Variants in LRRC4C observed in about 807,000 individuals in gnomAD.
The protein encoded by LRRC4C is leucine-rich repeat-containing protein 4C.
In LRRC4C, 5 loss-of-function variants were observed where a neutral mutation model predicts 33.6. The observed-to-expected ratio is 0.15, with a 90% confidence interval of 0.08 to 0.31. The LOEUF (loss-of-function observed/expected upper bound fraction) is 0.31. Ranked by LOEUF, LRRC4C falls within the 10% of genes least tolerant of loss-of-function variation. LRRC4C has a pLI of 1.00. For synonymous variants in LRRC4C, 329 were observed against 302.0 expected (o/e 1.09, Z -0.93); for missense variants, 560 against 796.7 (o/e 0.70, Z 3.58).
At chr11:41,048,915 T>C (rs1224776849) in intron 1 of LRRC4C, among the ~76,000 whole-genome samples, 1 of 152,174 alleles carries the variant, frequency 6.6e-6, no homozygotes, top group African/African-American at 2.4e-5. Context: ...CTTGACTTCC[T>C]GGATCGTAAA....
intron 1 of LRRC4C, among the ~76,000 whole-genome samples, chr11:41,325,854 C>T (rs757564271): frequency 1.1e-4 from 16 of 151,878 alleles, no homozygotes; most frequent in East Asian, 7.8e-4. Flanking sequence ...ACCCTGGTGG[C>T]GATGAGAGGG....
At chr11:40,173,302 T>C (rs1303130679) in intron 5 of LRRC4C, among the ~76,000 whole-genome samples, 1 of 152,184 alleles carries the variant, frequency 6.6e-6, no homozygotes, top group East Asian at 1.9e-4. Context: ...ACTTCTTTGG[T>C]TTACTGCTAT....
intron 1 of LRRC4C, among the ~76,000 whole-genome samples, chr11:41,279,573 T>C (rs1168859650): frequency 6.6e-6 from 1 of 152,122 alleles, no homozygotes; most frequent in Admixed American, 6.6e-5. Flanking sequence ...GTTTAATTCC[T>C]TATCCCCTGT....
At chr11:40,214,878 A>G (rs1416602970) in intron 5 of LRRC4C, among the ~76,000 whole-genome samples, 2 of 152,164 alleles carry the variant, frequency 1.3e-5, no homozygotes, top group Non-Finnish European at 2.9e-5. Flanking sequence ...ATTGTGTCCA[A>G]AAATGTCTGA....
chr11:40,258,352 T>A (rs913690765), intron 4 of LRRC4C, among the ~76,000 whole-genome samples: 2 of 152,222 alleles, frequency 1.3e-5, no homozygotes, highest in Non-Finnish European at 2.9e-5. Context: ...CAATTCATAC[T>A]GGTTTTTCAA....
chr11:40,809,765 CTTACAA>C (rs1951409157), intron 2 of LRRC4C, among the ~76,000 whole-genome samples: 1 of 152,136 alleles, frequency 6.6e-6, no homozygotes, highest in African/African-American at 2.4e-5. Flanking sequence ...GGCATCATGC[CTTACAA>C]AGTGCAGACT....
chr11:41,013,026 A>T (rs1381707863), intron 1 of LRRC4C, among the ~76,000 whole-genome samples: 1 of 152,126 alleles, frequency 6.6e-6, no homozygotes, highest in Non-Finnish European at 1.5e-5. Context: ...AGATTCTGTG[A>T]GTTGTCTCTT....
At chr11:40,381,634 G>C (rs1242930252) in intron 3 of LRRC4C, among the ~76,000 whole-genome samples, 1 of 152,030 alleles carries the variant, frequency 6.6e-6, no homozygotes, top group Non-Finnish European at 1.5e-5. Context: ...TGTATACGGG[G>C]TAAGTTGTCT....
intron 1 of LRRC4C, among the ~76,000 whole-genome samples, chr11:41,165,089 C>T (rs1944660031): frequency 2.0e-5 from 3 of 152,242 alleles, no homozygotes; most frequent in South Asian, 2.1e-4. Flanking sequence ...ATTCTCACCA[C>T]CTGTTTCTTT....
intron 1 of LRRC4C, among the ~76,000 whole-genome samples, chr11:41,235,468 G>T (rs10501251): frequency 0.037 from 5,611 of 152,116 alleles, 150 homozygotes; most frequent in African/African-American, 0.068. Context: ...GACTGAAATT[G>T]TTGTAGATGA....
At chr11:41,173,408 C>T (rs1044844263) in intron 1 of LRRC4C, among the ~76,000 whole-genome samples, 2 of 152,234 alleles carry the variant, frequency 1.3e-5, no homozygotes, top group South Asian at 2.1e-4. Context: ...ATTAACATTT[C>T]CTGCCTCTTT....
chr11:41,340,361 CA>C (rs1210236940), intron 1 of LRRC4C, among the ~76,000 whole-genome samples: 1 of 152,096 alleles, frequency 6.6e-6, no homozygotes, highest in East Asian at 1.9e-4. Context: ...TAGCATTTTG[CA>C]AAACTTGGAC....
At chr11:40,265,489 T>G (rs1848609079) in intron 4 of LRRC4C, among the ~76,000 whole-genome samples, 1 of 152,228 alleles carries the variant, frequency 6.6e-6, no homozygotes, top group Non-Finnish European at 1.5e-5. Context: ...TTATCTCTTT[T>G]GCAACCCCAA....
intron 3 of LRRC4C, among the ~76,000 whole-genome samples, chr11:40,646,605 T>C (rs1942474933): frequency 6.6e-6 from 1 of 151,906 alleles, no homozygotes; most frequent in Non-Finnish European, 1.5e-5. Flanking sequence ...GATTCAAATC[T>C]TCTCTCTCTC....
chr11:41,164,489 C>T (rs1944631261), intron 1 of LRRC4C, among the ~76,000 whole-genome samples: 1 of 152,010 alleles, frequency 6.6e-6, no homozygotes, highest in South Asian at 2.1e-4. Context: ...GAATAGTAAA[C>T]ATATAAACCA....
At chr11:40,569,563 T>A (rs2135555612) in intron 3 of LRRC4C, among the ~76,000 whole-genome samples, 1 of 151,574 alleles carries the variant, frequency 6.6e-6, no homozygotes, top group Non-Finnish European at 1.5e-5. Context: ...TGAATGTTTA[T>A]GCGTGTATAT....
In LRRC4C at chr11:40,476,344, T is replaced by TTC. The variant is rs1232324399; in HGVS notation, c.-269-156624_-269-156623insGA. Among the ~76,000 whole-genome samples the TTC allele has an allele frequency of 1.6e-3, 193 of 124,350 alleles. 2 individuals carry two copies. The highest frequency in any genetic ancestry group is 6.1e-3 in the African/African-American group (177 of 28,882). 81.6% of individuals were successfully genotyped at this position (124,350 alleles called of 152,430 possible). On this transcript the variant is annotated intron_variant, in intron 3 of 6. Transcript: ENST00000528697. ...AATGAGTGCACATTTTTTTTCTTCT[T>TTC]TTTTTTTTTTTTTTTTTTTTTGAGA...
At chr11:40,242,827 C>T (rs1271799397) in intron 4 of LRRC4C, among the ~76,000 whole-genome samples, 2 of 151,756 alleles carry the variant, frequency 1.3e-5, no homozygotes, top group Non-Finnish European at 2.9e-5. Flanking sequence ...TTATTATTGT[C>T]ATCTATTATG....
At chr11:40,420,914 C>G (rs1271203238) in intron 3 of LRRC4C, among the ~76,000 whole-genome samples, 2 of 152,282 alleles carry the variant, frequency 1.3e-5, no homozygotes, top group East Asian at 3.9e-4. Context: ...TTTAACTCAC[C>G]ACCATTAACA....
Sources: allele counts gnomAD v4.1 joint callset (sites outside exome capture counted in the v4.1 genomes callset), GRCh38; gene constraint gnomAD v4.1.1; transcripts MANE v1.5; gene names NCBI Gene and HGNC (gene_info 2026-07-23, HGNC 2026-07-21).